The following COA8 variants were observed in gnomAD, a reference collection of about 807,000 sequenced individuals.
COA8 encodes UPF0671 protein C14orf153.
A neutral mutation model predicts 22.0 loss-of-function variants in COA8; 20 were observed. That is an observed-to-expected ratio of 0.91 (90% CI 0.64 to 1.32). COA8 has a LOEUF of 1.32. Ranked by LOEUF, COA8 falls within the 40% of genes most tolerant of loss-of-function variation. COA8 has a pLI of 0.00. For missense variants in COA8, 266 were observed against 230.0 expected (o/e 1.16, Z -1.01); for synonymous variants, 105 against 79.9 (o/e 1.31, Z -1.68).
chr14:103,565,387 G>C (rs1229485543), intron 1 of COA8, among the ~76,000 whole-genome samples: 1 of 152,074 alleles, frequency 6.6e-6, no homozygotes, highest in Admixed American at 6.5e-5. Context: ...AAAAAATTAA[G>C]ACTTTTAAAT....
intron 3 of COA8, among the ~76,000 whole-genome samples, chr14:103,584,227 C>A (rs1326946692): frequency 1.3e-5 from 2 of 152,090 alleles, no homozygotes; most frequent in African/African-American, 4.8e-5. Context: ...TTCAGTAGCC[C>A]GGATGCTCTC....
rs372626805 is a variant in COA8 at position 103,563,076 on chromosome 14, A to G, written c.75A>G (p.Gln25=). Residue 25 remains glutamine (Q), a synonymous_variant, in exon 1 of 5, where the codon CAA becomes CAG. Transcript: ENST00000409074. ...LCRAFACRGC[Q]LAPERGAERR... ...GCGCCTTCGCCTGCCGCGGCTGTCA[A>G]CTCGCTCCGGAGCGCGGCGCCGAGC... 6.4e-5 allele frequency: 99 copies of G among 1,540,996 alleles called. No individual in the cohort carries two copies. In the African/African-American group the frequency reaches 9.5e-4, roughly 15 times the overall value.
Position 103,562,980 on chromosome 14 carries a change from G to T in COA8, c.-22G>T. On this transcript the variant is annotated 5_prime_UTR_variant, in exon 1 of 5. Coordinates refer to ENST00000409074, the MANE Select transcript of COA8 (RefSeq NM_001370595.2). ...CCGTCGCAATGCTGCCGTGCGCCGCGGGAGCCAGGGGGCGTGGGGCCATGG... is the reference window on the plus strand; with the variant it reads ...CCGTCGCAATGCTGCCGTGCGCCGCTGGAGCCAGGGGGCGTGGGGCCATGG... The T allele has an allele frequency of 6.5e-7, 1 of 1,526,906 alleles. No individual in the cohort carries two copies. The highest frequency in any genetic ancestry group is 2.4e-5 in the East Asian group (1 of 41,420). 94.6% of individuals were successfully genotyped at this position (1,526,906 alleles called of 1,614,324 possible).
rs1274777249 is a variant in COA8 at position 103,574,188 on chromosome 14, A to T, written c.385+18A>T. 82 of 1,486,016 alleles carry T rather than the reference A, an allele frequency of 5.5e-5. No homozygotes were observed. The highest frequency in any genetic ancestry group is 7.2e-5 in the Non-Finnish European group (79 of 1,102,622). 92.1% of individuals were successfully genotyped at this position (1,486,016 alleles called of 1,614,324 possible). ...TGAATCAGGTTAGTGTGTTTGTTTG[A>T]TTGTTTTTTTTGCTTTCTTTGCGTT... On this transcript the variant is annotated intron_variant, in intron 3 of 4. Transcript: ENST00000409074.
intron 3 of COA8, chr14:103,574,396 A>G (rs1242130878): frequency 5.8e-6 from 4 of 684,616 alleles, no homozygotes; most frequent in Admixed American, 4.1e-5. Context: ...TTAGGTGGTT[A>G]TGATGGATGA....
chr14:103,579,003 G>A (rs1401951683), intron 3 of COA8, among the ~76,000 whole-genome samples: 3 of 152,212 alleles, frequency 2.0e-5, no homozygotes, highest in Admixed American at 1.3e-4. Context: ...ACACAGCCAG[G>A]TGGGGACAGT....
At chr14:103,571,310 A>C (rs1462439334) in intron 1 of COA8, among the ~76,000 whole-genome samples, 1 of 152,026 alleles carries the variant, frequency 6.6e-6, no homozygotes, top group African/African-American at 2.4e-5. Flanking sequence ...CGGAGCTTGC[A>C]GTGAGCCGAG....
chr14:103,564,390 G>A (rs1566976260), intron 1 of COA8, among the ~76,000 whole-genome samples: 1 of 151,958 alleles, frequency 6.6e-6, no homozygotes, highest in Non-Finnish European at 1.5e-5. Context: ...AACCCACCCA[G>A]CATCTCTATC....
chr14:103,569,871 T>C (rs2076169181), intron 1 of COA8, among the ~76,000 whole-genome samples: 1 of 152,232 alleles, frequency 6.6e-6, no homozygotes, highest in Non-Finnish European at 1.5e-5. Context: ...GTTTGTTTTT[T>C]TTTGAGACGG....
At chr14:103,584,336 C>T (rs1288629014) in intron 3 of COA8, among the ~76,000 whole-genome samples, 1 of 152,146 alleles carries the variant, frequency 6.6e-6, no homozygotes, top group African/African-American at 2.4e-5. Context: ...TCTACTCCCT[C>T]TCCTTTCCCC....
In COA8 at chr14:103,574,153, G is replaced by T; in HGVS notation, c.368G>T (p.Gly123Val). 6.2e-7 allele frequency: 1 copy of T among 1,611,566 alleles called. No individual in the cohort carries two copies. The highest frequency in any genetic ancestry group is 1.3e-5 in the African/African-American group (1 of 74,398). ...TCAAGACTAAAAACTAAAGGCCTGG[G>T]CCTGAGAACTGAATCAGGTTAGTGT... ...IHSRLKTKGL[G>V]LRTESGQKAT... Residue 123 changes from glycine (G) to valine (V), a missense_variant, in exon 3 of 5, where the codon GGC (glycine) becomes GTC (valine). Transcript: ENST00000409074.
intron 4 of COA8, among the ~76,000 whole-genome samples, 187 bp downstream of exon 4, chr14:103,587,551 A>G (rs1270204275): frequency 1.5e-5 from 2 of 131,598 alleles, no homozygotes; most frequent in East Asian, 2.1e-4. Flanking sequence ...TCTCTCGCCC[A>G]GGCTGGAGTG....
intron 2 of COA8, among the ~76,000 whole-genome samples, chr14:103,573,627 A>G (rs919632542): frequency 3.3e-5 from 5 of 151,902 alleles, no homozygotes; most frequent in Admixed American, 2.0e-4. Context: ...ATCTCGGCTC[A>G]CTGCAACCTC....
chr14:103,568,557 A>G (rs2076154244), intron 1 of COA8, among the ~76,000 whole-genome samples: 1 of 137,830 alleles, frequency 7.3e-6, no homozygotes, highest in African/African-American at 2.7e-5. Context: ...GTACACATAT[A>G]CACACATATA....
chr14:103,578,906 C>T (rs1020626589), intron 3 of COA8, among the ~76,000 whole-genome samples: 3 of 152,206 alleles, frequency 2.0e-5, no homozygotes, highest in Non-Finnish European at 4.4e-5. Context: ...GCCACACTGA[C>T]GGAGTGTAGC....
intron 3 of COA8, 24 bp from the exon 4 acceptor site, chr14:103,587,250 G>A (rs781494917): frequency 6.3e-7 from 1 of 1,598,214 alleles, no homozygotes; most frequent in Non-Finnish European, 8.6e-7. Flanking sequence ...AAGTCTTAAT[G>A]TTTAAGCTGA....
chr14:103,578,493 T>G (rs186487695), intron 3 of COA8, among the ~76,000 whole-genome samples: 1 of 152,334 alleles, frequency 6.6e-6, no homozygotes. Context: ...CTAATGTATT[T>G]CATTCCCAGA....
intron 4 of COA8, chr14:103,588,116 CA>C (rs1221577064): frequency 0.06 from 3,896 of 64,470 alleles, 1 homozygote; most frequent in East Asian, 0.12. Context: ...AACTCCATCT[CA>C]AAAAAAAAAA....
chr14:103,563,804 C>G (rs1425210912), intron 1 of COA8, among the ~76,000 whole-genome samples: 1 of 152,052 alleles, frequency 6.6e-6, no homozygotes, highest in Non-Finnish European at 1.5e-5. Context: ...ACCAAACAGG[C>G]TAATGAAGGA....
Sources: gnomAD v4.1 joint callset for allele counts (sites outside exome capture counted in the v4.1 genomes callset) on GRCh38, gnomAD v4.1.1 for gene constraint, MANE v1.5 for transcripts, NCBI Gene and HGNC (gene_info 2026-07-23, HGNC 2026-07-21) for gene names.